The following ABCG2 variants were observed in gnomAD, a reference collection of about 807,000 sequenced individuals.
ABCG2 encodes the protein broad substrate specificity ATP-binding cassette transporter ABCG2.
ABCG2 carries 80 observed loss-of-function variants against 73.5 expected under a neutral mutation model. The observed-to-expected ratio is 1.09, with a 90% CI of 0.91 to 1.31. ABCG2 has a LOEUF of 1.31. ABCG2 is among the 50% of genes most tolerant of loss of function. The pLI is 0.00. For missense variants in ABCG2, 796 were observed against 786.2 expected, an observed-to-expected ratio of 1.01 and a Z score of -0.15; for synonymous variants, 269 against 282.4, an observed-to-expected ratio of 0.95 and a Z score of 0.48.
chr4:88,184,456 C>T (rs1253411908), intron 1 of ABCG2, among the ~76,000 whole-genome samples: 1 of 151,824 alleles, frequency 6.6e-6, no homozygotes, highest in Non-Finnish European at 1.5e-5. Flanking sequence ...TTTACAATAG[C>T]TACAAATAAA....
chr4:88,176,796 C>T (rs996907574), intron 1 of ABCG2, among the ~76,000 whole-genome samples: 2 of 151,746 alleles, frequency 1.3e-5, no homozygotes, highest in South Asian at 2.1e-4. Flanking sequence ...CCACCCTCTA[C>T]AAATTTTAAA....
At chr4:88,105,037 T>C (rs541091172) in intron 10 of ABCG2, among the ~76,000 whole-genome samples, 14 of 151,782 alleles carry the variant, frequency 9.2e-5, no homozygotes, top group Non-Finnish European at 1.5e-4. Context: ...GGTTAAGACA[T>C]GGCATCTACA....
upstream of ABCG2, among the ~76,000 whole-genome samples, chr4:88,160,317 C>T (rs1013385381): frequency 3.3e-5 from 5 of 151,554 alleles, no homozygotes; most frequent in Admixed American, 1.3e-4. Context: ...GAAAAATCTC[C>T]GAAAAATAAA....
chr4:88,134,204 A>G (rs1725091755), intron 2 of ABCG2, among the ~76,000 whole-genome samples: 1 of 152,230 alleles, frequency 6.6e-6, no homozygotes, highest in South Asian at 2.1e-4. Context: ...ACAGAGGCCA[A>G]TCCTATGATC....
At chr4:88,197,268 C>CA (rs1212960940) in intron 1 of ABCG2, among the ~76,000 whole-genome samples, 3 of 150,640 alleles carry the variant, frequency 2.0e-5, no homozygotes, top group Non-Finnish European at 4.4e-5. Flanking sequence ...GAACCAGACA[C>CA]AGATATTTTA....
At chr4:88,194,014 G>A (rs2110109385) in intron 1 of ABCG2, among the ~76,000 whole-genome samples, 1 of 152,100 alleles carries the variant, frequency 6.6e-6, no homozygotes, top group Admixed American at 6.5e-5. Flanking sequence ...CAACCTAATG[G>A]GATTACAGGC....
chr4:88,112,100 T>C (rs937405762), intron 9 of ABCG2, among the ~76,000 whole-genome samples: 11 of 139,164 alleles, frequency 7.9e-5, no homozygotes, highest in African/African-American at 2.8e-4. Flanking sequence ...AAAAAAAAAA[T>C]GTGTAAAGAA....
At chr4:88,118,547 T>C (rs775443620) in intron 6 of ABCG2, among the ~76,000 whole-genome samples, 6 of 152,182 alleles carry the variant, frequency 3.9e-5, no homozygotes, top group Non-Finnish European at 7.3e-5. Context: ...TGAATTAGAA[T>C]CTCTGGCAGT....
chr4:88,142,185 C>T (rs965405750), intron 1 of ABCG2, among the ~76,000 whole-genome samples: 1 of 151,920 alleles, frequency 6.6e-6, no homozygotes, highest in Non-Finnish European at 1.5e-5. Flanking sequence ...GCATAACAGG[C>T]AACCTGAGAG....
chr4:88,121,770 C>T lies in ABCG2; in HGVS notation c.554G>A (p.Gly185Asp), dbSNP rs1379992163. ...CCTTTTTCTTTCTCCTCCAGACACACCACGGATAAACTGAGTTCCAACCTA... is the reference window on the plus strand; with the variant it reads ...CCTTTTTCTTTCTCCTCCAGACACATCACGGATAAACTGAGTTCCAACCTA... The part of the protein sequence containing the change: ...DSKVGTQFIR[G>D]VSGGERKRTS... The change falls in exon 6 of 16, where the codon GGT becomes GAT. Residue 185 changes from glycine (G) to aspartate (D), a missense_variant. By Grantham distance (94) the Gly-to-Asp change is moderately conservative (BLOSUM62 -1). Transcript: ENST00000237612. The T allele has an allele frequency of 6.2e-7, 1 of 1,613,072 alleles. No homozygotes were observed. The highest frequency in any genetic ancestry group is 1.7e-4 in the Middle Eastern group (1 of 6,058).
At chr4:88,171,310 G>C (rs1296289616) in intron 1 of ABCG2, among the ~76,000 whole-genome samples, 3 of 148,204 alleles carry the variant, frequency 2.0e-5, no homozygotes, top group Non-Finnish European at 4.4e-5. Flanking sequence ...TTCTGTTCAT[G>C]TATAGAATGG....
At chr4:88,199,746 T>A (rs1388945867) in intron 1 of ABCG2, among the ~76,000 whole-genome samples, 1 of 152,228 alleles carries the variant, frequency 6.6e-6, no homozygotes, top group Admixed American at 6.5e-5. Flanking sequence ...ACGCCTGTGG[T>A]CCCAGCACTT....
intron 1 of ABCG2, among the ~76,000 whole-genome samples, chr4:88,217,463 C>T (rs1466475847): frequency 6.6e-6 from 1 of 152,124 alleles, no homozygotes; most frequent in East Asian, 1.9e-4. Context: ...GTGTTCAAGA[C>T]CAGCCTGGCC....
chr4:88,122,895 G>A (rs1302420261), intron 5 of ABCG2, among the ~76,000 whole-genome samples: 1 of 152,224 alleles, frequency 6.6e-6, no homozygotes, highest in African/African-American at 2.4e-5. Flanking sequence ...GGGGTCGACA[G>A]ACACTTCATA....
At chr4:88,206,364 T>C (rs1318936733) in intron 1 of ABCG2, 2 of 152,222 alleles carry the variant, frequency 1.3e-5, no homozygotes, top group African/African-American at 4.8e-5. Flanking sequence ...CACAGCCTTT[T>C]TCCACTCTTT....
intron 8 of ABCG2, 140 bp from the exon 9 acceptor site, chr4:88,113,693 CGG>C: frequency 9.0e-7 from 1 of 1,116,290 alleles, no homozygotes; most frequent in South Asian, 1.6e-5. Flanking sequence ...CCAGGCACGG[CGG>C]CTCATGACTG....
At position 88,227,282 on chromosome 4, in the gene ABCG2, A is replaced by C. The variant is rs118136756; in HGVS notation, c.-20+3712T>G. Among the ~76,000 whole-genome samples, 106 of 152,164 alleles carry C rather than the reference A, an allele frequency of 7.0e-4. 3 individuals are homozygous for C. The East Asian group carries it at 0.019, about 28-fold the overall frequency. ...CCTGGTGGCAGGCACCTGTAATTCCAGTACTAGGGAGGCTAAGACAGGAGA... is the reference window on the plus strand; with the variant it reads ...CCTGGTGGCAGGCACCTGTAATTCCCGTACTAGGGAGGCTAAGACAGGAGA... On this transcript the variant is annotated intron_variant, in intron 1 of 15. Coordinates refer to the ABCG2 transcript ENST00000515655.
chr4:88,092,764 G>A (rs897757034), intron 15 of ABCG2, among the ~76,000 whole-genome samples: 3 of 152,182 alleles, frequency 2.0e-5, no homozygotes, highest in South Asian at 2.1e-4. Flanking sequence ...TATTTATCAA[G>A]TAATAGTTCC....
At chr4:88,172,217 C>T (rs1052978110) in intron 1 of ABCG2, among the ~76,000 whole-genome samples, 6 of 149,610 alleles carry the variant, frequency 4.0e-5, no homozygotes, top group African/African-American at 1.5e-4. Flanking sequence ...ATCCTTGAAC[C>T]TGGGAAGCAG....
Sources: allele counts gnomAD v4.1 joint callset (sites outside exome capture counted in the v4.1 genomes callset), GRCh38; gene constraint gnomAD v4.1.1; transcripts MANE v1.5; gene names NCBI Gene and HGNC (gene_info 2026-07-23, HGNC 2026-07-21).